Variants in EARS2 observed in about 807,000 individuals in gnomAD.
EARS2 encodes the protein glutamyl-tRNA synthetase 2, mitochondrial.
In EARS2, 50 loss-of-function variants were observed where a neutral mutation model predicts 54.1. The ratio of observed to expected loss-of-function variants is 0.92; its 90% CI spans 0.74 to 1.17. The LOEUF (loss-of-function observed/expected upper bound fraction) is 1.17. EARS2 is among the 50% of genes most tolerant of loss of function. The pLI, the probability that EARS2 is intolerant of heterozygous loss-of-function variation, is 0.00. For missense variants in EARS2, 673 were observed against 675.0 expected (o/e 1.00, Z 0.03); for synonymous variants, 298 against 281.0 (o/e 1.06, Z -0.61).
chr16:23,551,493 G>A (rs191467702), intron 2 of EARS2, among the ~76,000 whole-genome samples: 243 of 152,238 alleles, frequency 1.6e-3, no homozygotes, highest in Middle Eastern at 6.8e-3. Context: ...GTGCGTGCCT[G>A]TAGTCCCAAC....
At chr16:23,557,007 C>A in intron 1 of EARS2, 198 bp downstream of exon 1, 1 of 842,972 alleles carries the variant, frequency 1.2e-6, no homozygotes, top group South Asian at 1.5e-5. Context: ...GCACAAAAAA[C>A]ACAAGAAACT....
intron 2 of EARS2, among the ~76,000 whole-genome samples, chr16:23,551,748 T>C (rs1965698720): frequency 6.6e-6 from 1 of 151,912 alleles, no homozygotes; most frequent in Admixed American, 6.6e-5. Flanking sequence ...TGAAACCCCG[T>C]CTCTACTAAA....
Position 23,521,944 on chromosome 16 carries a change from G to T in EARS2, c.*2427C>A, listed in dbSNP as rs1033331851. ...GGTTTTGCCTCGTACTATAACCTCG[G>T]AAGTTTTAGTTAACTTTTCAGAACC... On this transcript the variant is annotated 3_prime_UTR_variant, in exon 9 of 9. Coordinates refer to ENST00000449606, the MANE Select transcript of EARS2 (RefSeq NM_001083614.2). 7.8e-6 allele frequency: 3 copies of T among 382,636 alleles called. No individual in the cohort carries two copies. The highest frequency in any genetic ancestry group is 6.3e-5 in the African/African-American group (3 of 47,260). 23.7% of individuals were successfully genotyped at this position (382,636 alleles called of 1,614,324 possible).
chr16:23,535,814 TC>T (rs1460958165), intron 3 of EARS2, among the ~76,000 whole-genome samples: 1 of 152,126 alleles, frequency 6.6e-6, no homozygotes. Context: ...AGGAGGAAAA[TC>T]CCTTCTTAAA....
At position 23,529,239 on chromosome 16, in the gene EARS2, AG is replaced by A. The variant is rs148435002; in HGVS notation, c.1352+262del. ...TGGCCAAAGTGAAGCCGCCTGAGCAAGGTGACATAATCTGGTGAGTACACGG... is the reference window on the plus strand; with the variant it reads ...TGGCCAAAGTGAAGCCGCCTGAGCAAGTGACATAATCTGGTGAGTACACGG... On this transcript the variant is annotated intron_variant, in intron 7 of 8. Coordinates refer to ENST00000449606, the MANE Select transcript of EARS2 (RefSeq NM_001083614.2). Among the ~76,000 whole-genome samples the A allele has an allele frequency of 0.015, 2,239 of 152,370 alleles. 23 individuals carry two copies. The highest frequency in any genetic ancestry group is 0.019 in the South Asian group (94 of 4,832).
intron 3 of EARS2, among the ~76,000 whole-genome samples, chr16:23,536,313 T>C (rs1373019886): frequency 6.6e-6 from 1 of 152,134 alleles, no homozygotes; most frequent in African/African-American, 2.4e-5. Flanking sequence ...AATCAATAAA[T>C]GGTGCACAGG....
intron 5 of EARS2, among the ~76,000 whole-genome samples, chr16:23,530,520 C>G (rs962446932): frequency 1.3e-5 from 2 of 151,056 alleles, no homozygotes; most frequent in African/African-American, 4.9e-5. Context: ...GTGGTGCGAC[C>G]TCCGCTCACT....
At chr16:23,551,462 A>G (rs1965692874) in intron 2 of EARS2, among the ~76,000 whole-genome samples, 1 of 152,122 alleles carries the variant, frequency 6.6e-6, no homozygotes, top group South Asian at 2.1e-4. Context: ...CAAAAAAATT[A>G]AAAATTAGCC....
chr16:23,557,136 C>T, intron 1 of EARS2, 69 bp downstream of exon 1: 2 of 1,487,630 alleles, frequency 1.3e-6, no homozygotes, highest in Non-Finnish European at 1.8e-6. Flanking sequence ...AGGATTCATT[C>T]GGGAACATTC....
intron 2 of EARS2, among the ~76,000 whole-genome samples, chr16:23,547,765 A>G (rs1158849763): frequency 6.6e-6 from 1 of 152,004 alleles, no homozygotes; most frequent in African/African-American, 2.4e-5. Flanking sequence ...GACAAGAGCC[A>G]CCCCATGTGA....
chr16:23,553,718 C>T (rs985741310), intron 1 of EARS2, among the ~76,000 whole-genome samples: 3 of 151,918 alleles, frequency 2.0e-5, no homozygotes, highest in African/African-American at 7.3e-5. Flanking sequence ...GTTGAAACCC[C>T]GTCTCTACTA....
intron 3 of EARS2, among the ~76,000 whole-genome samples, chr16:23,537,916 C>T (rs1306236168): frequency 2.0e-5 from 3 of 151,620 alleles, no homozygotes; most frequent in Non-Finnish European, 4.4e-5. Flanking sequence ...ACCTCAGCCT[C>T]CCAAGTAGCT....
At chr16:23,527,546 C>T (rs997876944) in intron 7 of EARS2, among the ~76,000 whole-genome samples, 1 of 132,488 alleles carries the variant, frequency 7.5e-6, no homozygotes, top group African/African-American at 2.8e-5. Context: ...CAAGAGTGAT[C>T]GTTCTTTTTT....
At chr16:23,545,287 G>A (rs1965585308) in intron 2 of EARS2, 1 of 151,464 alleles carries the variant, frequency 6.6e-6, no homozygotes, top group African/African-American at 2.5e-5. Flanking sequence ...TCCCTGATGG[G>A]ATTCCCTGGA....
intron 8 of EARS2, 92 bp from the exon 9 acceptor site, chr16:23,524,546 C>T: frequency 2.7e-6 from 3 of 1,092,648 alleles, no homozygotes; most frequent in African/African-American, 1.5e-5. Context: ...ATTCCCAGGC[C>T]AGCCCCCACA....
intron 3 of EARS2, among the ~76,000 whole-genome samples, chr16:23,542,055 A>C (rs1036763172): frequency 6.6e-6 from 1 of 151,802 alleles, no homozygotes; most frequent in African/African-American, 2.4e-5. Flanking sequence ...ATGGGGTTTC[A>C]CCATATTGGC....
chr16:23,544,974 T>A, intron 2 of EARS2: 1 of 341,114 alleles, frequency 2.9e-6, no homozygotes, highest in Non-Finnish European at 5.3e-6. Context: ...CCCGAATAGC[T>A]GGGATTACAA....
In EARS2 at chr16:23,535,250, T is replaced by C. The variant is rs759111019; in HGVS notation, c.596A>G (p.Gln199Arg). The change falls in exon 4 of 9, where the codon CAG (glutamine) becomes CGG (arginine). Residue 199 changes from glutamine (Q) to arginine (R), a missense_variant. Gln to Arg is a conservative substitution (Grantham distance 43). Coordinates refer to ENST00000449606, the MANE Select transcript of EARS2 (RefSeq NM_001083614.2). ...FRLEQVVPAF[Q>R]DLVYGWNRHE... Reference sequence around the variant, plus strand: ...CCTATTCCAGCCATAGACCAGGTCCTGGAAGGCTGGCACCACCTGCTCCAG... The same window carrying C: ...CCTATTCCAGCCATAGACCAGGTCCCGGAAGGCTGGCACCACCTGCTCCAG... 6.2e-6 allele frequency: 10 copies of C among 1,611,830 alleles called. No homozygotes were observed. Among genetic ancestry groups the C allele is most frequent in the Non-Finnish European group, 8.5e-6 (10 of 1,180,012 alleles).
Position 23,522,174 on chromosome 16 carries a change from A to G in EARS2, c.*2197T>C, listed in dbSNP as rs898270695. 4.8e-6 allele frequency: 1 copy of G among 209,806 alleles called. No individual in the cohort carries two copies. The highest frequency in any genetic ancestry group is 1.0e-5 in the Non-Finnish European group (1 of 100,018). The allele number at this position is 209,806 out of a possible 1,614,324, so 13.0% of individuals were successfully genotyped here. The stretch of plus-strand genomic sequence containing the variant: ...AACCACCTGTTGTTTCTGCCATTAC[A>G]TCATCTTCTGGAGAAAGCTCCCTAG... On this transcript the variant is annotated 3_prime_UTR_variant, in exon 9 of 9. Transcript: ENST00000449606.
Sources: allele counts gnomAD v4.1 joint callset (sites outside exome capture counted in the v4.1 genomes callset), GRCh38; gene constraint gnomAD v4.1.1; transcripts MANE v1.5; gene names NCBI Gene and HGNC (gene_info 2026-07-23, HGNC 2026-07-21).